The following DOCK9 variants were observed in gnomAD, a reference collection of about 807,000 sequenced individuals.
DOCK9 encodes the protein dedicator of cytokinesis 9, also known as dedicator of cytokinesis protein 9.
In DOCK9, 89 loss-of-function variants were observed where a neutral mutation model predicts 263.3. The observed-to-expected ratio is 0.34, with a 90% CI of 0.28 to 0.40. The LOEUF is 0.40. Among genes scored for constraint, DOCK9 ranks in the 10% least tolerant of loss-of-function variants. DOCK9 has a pLI of 1.00. For missense variants in DOCK9, 2,140 were observed against 2,603.4 expected (o/e 0.82, Z 3.87); for synonymous variants, 976 against 973.1 (o/e 1.00, Z -0.06).
chr13:98,923,589 C>T (rs1489099700), intron 4 of DOCK9, among the ~76,000 whole-genome samples: 1 of 152,068 alleles, frequency 6.6e-6, no homozygotes, highest in Non-Finnish European at 1.5e-5. Flanking sequence ...GTGGAAAAGA[C>T]AGCATAGCTT....
chr13:98,990,229 T>C (rs1879482166), intron 1 of DOCK9, among the ~76,000 whole-genome samples: 1 of 152,238 alleles, frequency 6.6e-6, no homozygotes. Context: ...AATGCAGAAG[T>C]CACGTCTTCC....
chr13:99,079,266 A>G (rs2042031084), intron 1 of DOCK9, among the ~76,000 whole-genome samples: 2 of 152,224 alleles, frequency 1.3e-5, no homozygotes, highest in Admixed American at 1.3e-4. Context: ...TATGGTACTT[A>G]CAGAGACAGA....
In DOCK9 at chr13:99,074,588, TCCC is replaced by T. The variant is rs1566393522; in HGVS notation, c.129+11632_129+11634del. Among the ~76,000 whole-genome samples, 9 of 152,150 alleles carry T rather than the reference TCCC, an allele frequency of 5.9e-5. No homozygotes were observed. The South Asian group carries it at 1.9e-3, about 32-fold the overall frequency. ...GTCATTTGGTTCCTGACTAGCTGCC[TCCC>T]CCATTATCTTCATGTTCCCAGAATG... On this transcript the variant is annotated intron_variant, in intron 1 of 32. Transcript: ENST00000427887.
intron 1 of DOCK9, among the ~76,000 whole-genome samples, chr13:98,985,528 A>G (rs1256542353): frequency 2.6e-5 from 4 of 152,226 alleles, no homozygotes; most frequent in Non-Finnish European, 4.4e-5. Context: ...CTGAAGGCTC[A>G]GGATCCTCTC....
intron 1 of DOCK9, among the ~76,000 whole-genome samples, chr13:99,008,450 T>C (rs1234177664): frequency 1.3e-5 from 2 of 152,036 alleles, no homozygotes; most frequent in African/African-American, 4.8e-5. Context: ...GCCAGGCTGG[T>C]CTCAATCTCC....
At position 98,845,975 on chromosome 13, in the gene DOCK9, C is replaced by T; in HGVS notation, c.4147G>A (p.Ala1383Thr). The T allele has an allele frequency of 1.2e-6, 2 of 1,612,992 alleles. No homozygotes were observed. Among genetic ancestry groups the T allele is most frequent in the South Asian group, 2.2e-5 (2 of 90,664 alleles). Residue 1383 changes from alanine (A) to threonine (T), a missense_variant, in exon 38 of 53, where the codon GCC becomes ACC. Coordinates refer to ENST00000682017, the MANE Select transcript of DOCK9 (RefSeq NM_001366683.2). Reference protein sequence around the residue: ...VSRNRTGMMHARLQQLGSLDN... With the variant: ...VSRNRTGMMHTRLQQLGSLDN... ...AGGCTGCCCAGCTGCTGCAATCTGGCATGCATCATTCCTGTTCTGTTACGG... is the reference window on the plus strand; with the variant it reads ...AGGCTGCCCAGCTGCTGCAATCTGGTATGCATCATTCCTGTTCTGTTACGG...
At chr13:99,074,045 A>G (rs1236832636) in intron 1 of DOCK9, among the ~76,000 whole-genome samples, 2 of 152,254 alleles carry the variant, frequency 1.3e-5, no homozygotes, top group East Asian at 3.8e-4. Flanking sequence ...TCCTTTCTAT[A>G]GCAATCCTGT....
chr13:98,922,024 G>A lies in DOCK9; in HGVS notation c.582+27C>T, dbSNP rs748929842. On this transcript the variant is annotated intron_variant, in intron 6 of 52. Transcript: ENST00000682017. ...TATGGCAGAAAGGGCTTGTGAGAGG[G>A]GAGGGCAAAGTGATGTGCGTCCTCA... The A allele has an allele frequency of 8.4e-6, 13 of 1,542,048 alleles. No homozygotes were observed. In the South Asian group the frequency reaches 1.5e-4, roughly 18 times the overall value.
chr13:98,837,589 C>T lies in DOCK9; in HGVS notation c.4219G>A (p.Asp1407Asn), dbSNP rs1472243054. The part of the protein sequence containing the change: ...FNHSYGHSDA[D>N]VLHQSLLEAN... ...TCAAGTAATGACTGGTGCAGAACAT[C>T]TGCGTCCGAGTGGCCATAGCCTGCA... The change falls in exon 39 of 53, where the codon GAT (aspartate) becomes AAT (asparagine). Residue 1407 changes from aspartate to asparagine, a missense_variant. By Grantham distance (23) the Asp-to-Asn change is conservative. This residue lies in a region of DOCK9 where 1,521 missense variants were observed against 1,741.7 expected (regional missense o/e 0.87). Transcript: ENST00000682017. 1 of 1,613,582 alleles carries T rather than the reference C, an allele frequency of 6.2e-7. No individual in the cohort carries two copies.
intron 2 of DOCK9, among the ~76,000 whole-genome samples, chr13:98,937,983 C>A (rs1010889563): frequency 1.3e-5 from 2 of 152,206 alleles, no homozygotes; most frequent in African/African-American, 2.4e-5. Context: ...AGTGGAGGTA[C>A]CTGTTTCCTC....
chr13:99,034,641 C>T (rs910759491), intron 1 of DOCK9, among the ~76,000 whole-genome samples: 42 of 152,184 alleles, frequency 2.8e-4, no homozygotes, highest in Admixed American at 1.2e-3. Context: ...CACCGCAGCA[C>T]TCAACGAACA....
In DOCK9 at chr13:99,059,491, T is replaced by C. The variant is rs1180142849; in HGVS notation, c.129+26732A>G. Among the ~76,000 whole-genome samples the C allele has an allele frequency of 3.9e-5, 6 of 152,204 alleles. 1 individual carries two copies. The South Asian group carries it at 1.0e-3, about 26-fold the overall frequency. Reference sequence around the variant, plus strand: ...CTACTTCCTATCATTCCCGCAGCTATTTCCCAATGTTCCTCATCTGTATTA... The same window carrying C: ...CTACTTCCTATCATTCCCGCAGCTACTTCCCAATGTTCCTCATCTGTATTA... On this transcript the variant is annotated intron_variant, in intron 1 of 32. Coordinates refer to the DOCK9 transcript ENST00000427887.
intron 38 of DOCK9, among the ~76,000 whole-genome samples, chr13:98,844,060 C>A (rs184311620): frequency 6.6e-6 from 1 of 152,288 alleles, no homozygotes; most frequent in Non-Finnish European, 1.5e-5. Context: ...AAAGGAGGTC[C>A]AGCAGGTTCT....
Position 98,847,749 on chromosome 13 carries a change from G to T in DOCK9, c.4061+843C>A, listed in dbSNP as rs1205381241. 5.3e-5 allele frequency: 8 copies of T among 152,236 alleles called. No individual in the cohort carries two copies. In the East Asian group the frequency reaches 1.4e-3, roughly 26 times the overall value. The allele number at this position is 152,236 out of a possible 1,614,324, so 9.4% of individuals were successfully genotyped here. A position where few individuals can be genotyped will look rare whatever the true frequency, so the allele number is the denominator to read the frequency against. On this transcript the variant is annotated intron_variant, in intron 37 of 52. Coordinates refer to ENST00000682017, the MANE Select transcript of DOCK9 (RefSeq NM_001366683.2). Reference sequence around the variant, plus strand: ...CATTTTTAAGTTTTTCTTAAAACATGTTTACTTATAATAAAGCTGTTAAAA... The same window carrying T: ...CATTTTTAAGTTTTTCTTAAAACATTTTTACTTATAATAAAGCTGTTAAAA...
chr13:98,804,903 G>A (rs1363641855), intron 49 of DOCK9, 96 bp downstream of exon 49: 30 of 1,351,320 alleles, frequency 2.2e-5, no homozygotes, highest in Admixed American at 6.3e-5. Context: ...AACTGAGCTC[G>A]AAAGACCCTT....
chr13:98,915,517 A>C lies in DOCK9; in HGVS notation c.718-14T>G, dbSNP rs1211830905. The C allele has an allele frequency of 6.2e-7, 1 of 1,602,970 alleles. No homozygotes were observed. Among genetic ancestry groups the C allele is most frequent in the African/African-American group, 1.3e-5 (1 of 74,202 alleles). ...GACTTTGTTGTTCTGAAATGAAAAA[A>C]GGATAAACAGACATACTTTAAAAGA... On this transcript the variant is annotated splice_polypyrimidine_tract_variant and intron_variant, in intron 7 of 52. Transcript: ENST00000682017.
chr13:98,867,476 G>C lies in DOCK9; in HGVS notation c.3235C>G (p.Pro1079Ala). 1 of 1,612,852 alleles carries C rather than the reference G, an allele frequency of 6.2e-7. No individual in the cohort carries two copies. Among genetic ancestry groups the C allele is most frequent in the South Asian group, 1.1e-5 (1 of 90,850 alleles). Reference protein sequence around the residue: ...RVVCNHEHYIPLNLPMPFGKG... With the variant: ...RVVCNHEHYIALNLPMPFGKG... ...CCAAATGGCATTGGTAAGTTCAACG[G>C]AATATAATGTTCATGGTTGCACACT... The change falls in exon 30 of 53, where the codon CCG (proline) becomes GCG (alanine). Residue 1079 changes from proline to alanine, a missense_variant. Coordinates refer to ENST00000682017, the MANE Select transcript of DOCK9 (RefSeq NM_001366683.2).
chr13:98,817,442 T>A (rs2091943824), intron 45 of DOCK9, among the ~76,000 whole-genome samples: 1 of 115,898 alleles, frequency 8.6e-6, no homozygotes, highest in African/African-American at 3.2e-5. Flanking sequence ...AACAGACTAA[T>A]ACACCCAGCT....
In DOCK9 at chr13:98,797,219, C is replaced by T; in HGVS notation, c.6052G>A (p.Val2018Ile). The change falls in exon 52 of 53, where the codon GTA (valine) becomes ATA (isoleucine). Residue 2018 changes from valine (V) to isoleucine (I), a missense_variant. Physicochemically the swap from Val to Ile is conservative, Grantham distance 29 (BLOSUM62 3). Around this residue, in one of 2 missense-constraint regions of DOCK9, gnomAD observed 619 missense variants for 861.8 expected, o/e 0.72. Coordinates refer to ENST00000682017, the MANE Select transcript of DOCK9 (RefSeq NM_001366683.2). ...FVEACGQALA[V>I]NERLIKEDQL... ...TCTTCTTTAATCAGACGTTCGTTTACCGCTAAGGCTTGACCGCAAGCTTCC... is the reference window on the plus strand; with the variant it reads ...TCTTCTTTAATCAGACGTTCGTTTATCGCTAAGGCTTGACCGCAAGCTTCC... The T allele has an allele frequency of 1.2e-6, 2 of 1,613,952 alleles. No individual in the cohort carries two copies. The highest frequency in any genetic ancestry group is 2.2e-5 in the South Asian group (2 of 91,072).
Sources: gnomAD v4.1 joint callset for allele counts (sites outside exome capture counted in the v4.1 genomes callset) on GRCh38, gnomAD v4.1.1 for gene constraint, gnomAD v4.1.1 regional missense constraint, MANE v1.5 for transcripts, NCBI Gene and HGNC (gene_info 2026-07-23, HGNC 2026-07-21) for gene names.